Variants in SORBS2 observed in about 807,000 individuals in gnomAD.
SORBS2 encodes sorbin and SH3 domain-containing protein 2.
SORBS2 carries 46 observed loss-of-function variants against 97.7 expected under a neutral mutation model. The ratio of observed to expected loss-of-function variants is 0.47; its 90% CI spans 0.37 to 0.60. The LOEUF is 0.60. SORBS2 is among the 20% of genes least tolerant of loss of function. The pLI is 0.00. For synonymous variants in SORBS2, 476 were observed against 473.4 expected, an observed-to-expected ratio of 1.01 and a Z score of -0.07; for missense variants, 1,316 against 1,282.3, an observed-to-expected ratio of 1.03 and a Z score of -0.40.
At chr4:185,682,848 T>TA (rs1182088439) in intron 2 of SORBS2, among the ~76,000 whole-genome samples, 3 of 150,798 alleles carry the variant, frequency 2.0e-5, no homozygotes, top group Non-Finnish European at 4.4e-5. Flanking sequence ...AGGTCTCTAC[T>TA]AAAAAAAATA....
intron 12 of SORBS2, among the ~76,000 whole-genome samples, chr4:185,594,203 TTTGG>T (rs2096029379): frequency 6.6e-6 from 1 of 152,130 alleles, no homozygotes; most frequent in Non-Finnish European, 1.5e-5. Context: ...AAAGTCAGGG[TTTGG>T]TCCCATTGAT....
chr4:185,916,327 C>A (rs1168260645), intron 1 of SORBS2, among the ~76,000 whole-genome samples: 2 of 152,140 alleles, frequency 1.3e-5, no homozygotes, highest in Non-Finnish European at 2.9e-5. Context: ...TATGGCTGTC[C>A]CACCAGGCAG....
chr4:185,862,942 G>T (rs2099224716), intron 1 of SORBS2, among the ~76,000 whole-genome samples: 1 of 152,152 alleles, frequency 6.6e-6, no homozygotes, highest in Admixed American at 6.5e-5. Flanking sequence ...GAGCCCCTGG[G>T]ACTCTTGTAG....
intron 2 of SORBS2, among the ~76,000 whole-genome samples, chr4:185,710,675 G>A (rs1297495117): frequency 2.0e-5 from 3 of 152,184 alleles, no homozygotes; most frequent in African/African-American, 7.2e-5. Context: ...AGTGGCTTTT[G>A]TGCTGAAGGA....
chr4:185,598,227 A>G (rs2096163464), intron 12 of SORBS2, among the ~76,000 whole-genome samples: 1 of 148,054 alleles, frequency 6.8e-6, no homozygotes, highest in African/African-American at 2.6e-5. Context: ...TCTTAAGAGT[A>G]GAACAAGAGA....
At chr4:185,915,524 T>C (rs1317892395) in intron 1 of SORBS2, among the ~76,000 whole-genome samples, 1 of 152,236 alleles carries the variant, frequency 6.6e-6, no homozygotes, top group African/African-American at 2.4e-5. Flanking sequence ...CAGGTTTTGC[T>C]GCAGTCACAC....
intron 1 of SORBS2, among the ~76,000 whole-genome samples, chr4:185,871,528 C>A (rs1005279319): frequency 7.2e-5 from 11 of 152,212 alleles, no homozygotes; most frequent in Non-Finnish European, 1.5e-4. Context: ...CCCACACTCA[C>A]AAGAAAAATA....
exon 5 of SORBS2, chr4:185,662,180 C>T: frequency 3.1e-6 from 5 of 1,614,036 alleles, no homozygotes; most frequent in Non-Finnish European, 4.2e-6. Context: ...GGGAAAACGG[C>T]CTCTGATAGT....
chr4:185,734,545 C>T (rs1284339928), intron 2 of SORBS2, among the ~76,000 whole-genome samples: 2 of 152,134 alleles, frequency 1.3e-5, no homozygotes, highest in Admixed American at 6.5e-5. Flanking sequence ...ACAAAGCTTC[C>T]TGTGTGGCCA....
At position 185,908,042 on chromosome 4, in the gene SORBS2, C is replaced by G. The variant is rs184739000; in HGVS notation, c.-338+48154G>C. Among the ~76,000 whole-genome samples, 179 of 151,948 alleles carry G rather than the reference C, an allele frequency of 1.2e-3. 2 individuals carry two copies. The highest frequency in any genetic ancestry group is 7.8e-4 in the Non-Finnish European group (53 of 67,988). On this transcript the variant is annotated intron_variant, in intron 1 of 20. Coordinates refer to the SORBS2 transcript ENST00000284776. ...GACCTGGAGAGGTCATCGGGCAGAG[C>G]CATGCTGAGCTCCTCACCACTACCA... is the stretch of plus-strand genomic sequence containing the variant.
intron 2 of SORBS2, among the ~76,000 whole-genome samples, chr4:185,717,398 A>G (rs1173246053): frequency 6.6e-6 from 1 of 152,244 alleles, no homozygotes; most frequent in African/African-American, 2.4e-5. Flanking sequence ...ATATCTCTGT[A>G]GCAGAAACAT....
intron 2 of SORBS2, among the ~76,000 whole-genome samples, chr4:185,683,620 CA>C (rs1457168571): frequency 2.0e-5 from 3 of 151,820 alleles, no homozygotes; most frequent in Non-Finnish European, 4.4e-5. Context: ...TTTTTTTAAC[CA>C]AAATGAGGTC....
chr4:185,773,723 C>T (rs1485668040), intron 2 of SORBS2: 1 of 152,250 alleles, frequency 6.6e-6, no homozygotes, highest in African/African-American at 2.4e-5. Flanking sequence ...CTGTATTTGG[C>T]TGAGGACTGT....
Position 185,607,082 on chromosome 4 carries a change from G to C in SORBS2, c.2796+4698C>G. The C allele has an allele frequency of 9.5e-7, 1 of 1,057,952 alleles. No homozygotes were observed. The highest frequency in any genetic ancestry group is 1.1e-6 in the Non-Finnish European group (1 of 872,518). 65.5% of individuals were successfully genotyped at this position (1,057,952 alleles called of 1,614,324 possible). A position where few individuals can be genotyped will look rare whatever the true frequency, so the allele number is the denominator to read the frequency against. ...GCAGTCGCTGGGGACAATGGGAGGA[G>C]GACAGCAGGTTCCTCCTTAATTTCC... On this transcript the variant is annotated intron_variant, in intron 12 of 14. Coordinates refer to ENST00000418609, the Ensembl canonical transcript of SORBS2. The surrounding 1 kb of genome is among the most constrained non-coding windows in gnomAD (Gnocchi z 5.2).
chr4:185,773,132 T>C (rs1302795661), intron 2 of SORBS2: 1 of 151,792 alleles, frequency 6.6e-6, no homozygotes, highest in Non-Finnish European at 1.5e-5. Flanking sequence ...TCCAAAAAGA[T>C]TTCATCCTGG....
At chr4:185,855,715 C>T (rs547460176) in intron 1 of SORBS2, among the ~76,000 whole-genome samples, 3 of 152,306 alleles carry the variant, frequency 2.0e-5, no homozygotes, top group African/African-American at 7.2e-5. Flanking sequence ...TCATAAGATA[C>T]TGGGACTCCC....
chr4:185,653,934 A>G (rs548162763), intron 1 of SORBS2, among the ~76,000 whole-genome samples: 4 of 152,224 alleles, frequency 2.6e-5, no homozygotes, highest in Non-Finnish European at 5.9e-5. Context: ...ATACGAAAGC[A>G]TTCTTATACT....
intron 1 of SORBS2, among the ~76,000 whole-genome samples, chr4:185,851,402 T>C (rs2099217817): frequency 6.6e-6 from 1 of 152,138 alleles, no homozygotes; most frequent in Non-Finnish European, 1.5e-5. Context: ...AATATGATTA[T>C]AAAGGAAAGG....
chr4:185,669,133 G>C (rs909883904), intron 4 of SORBS2, among the ~76,000 whole-genome samples: 4 of 152,184 alleles, frequency 2.6e-5, no homozygotes, highest in Non-Finnish European at 5.9e-5. Flanking sequence ...GGAATGAAGG[G>C]GCACAGAGAT....
Sources: allele counts gnomAD v4.1 joint callset (sites outside exome capture counted in the v4.1 genomes callset), GRCh38; gene constraint gnomAD v4.1.1; non-coding constraint Gnocchi (gnomAD v3.1); transcripts MANE v1.5; gene names NCBI Gene and HGNC (gene_info 2026-07-23, HGNC 2026-07-21).